The following AQR variants were observed in gnomAD, a reference collection of about 807,000 sequenced individuals.
The protein encoded by AQR is RNA helicase aquarius.
In AQR, 61 loss-of-function variants were observed where a neutral mutation model predicts 180.5. That is an observed-to-expected ratio of 0.34 (90% CI 0.28 to 0.42). The LOEUF is 0.42. Among genes scored for constraint, AQR ranks in the 10% least tolerant of loss-of-function variants. AQR has a pLI of 1.00. For missense variants in AQR, 1,281 were observed against 1,798.3 expected (o/e 0.71, Z 5.20); for synonymous variants, 551 against 588.8 (o/e 0.94, Z 0.93).
In AQR at chr15:34,942,979, A is replaced by C. The variant is rs572995401; in HGVS notation, c.472-899T>G. The C allele has an allele frequency of 1.9e-4, 252 of 1,309,944 alleles. No homozygotes were observed. In the Middle Eastern group the frequency reaches 8.3e-3, roughly 43 times the overall value. The allele number at this position is 1,309,944 out of a possible 1,614,324, so 81.1% of individuals were successfully genotyped here. On this transcript the variant is annotated intron_variant, in intron 6 of 34. Coordinates refer to ENST00000156471, the MANE Select transcript of AQR (RefSeq NM_014691.3). ...TACTAATAAAATCTTGTTTCTGTTT[A>C]GTTTCTGATAAAAAAATCACATCTA...
At chr15:34,887,728 AAAG>A (rs561369687) in intron 24 of AQR, among the ~76,000 whole-genome samples, 91 of 152,352 alleles carry the variant, frequency 6.0e-4, no homozygotes, top group Middle Eastern at 3.4e-3. Context: ...AGACTCAACA[AAAG>A]AAGAAGTCAT....
intron 22 of AQR, among the ~76,000 whole-genome samples, chr15:34,896,368 A>T (rs1293919734): frequency 1.3e-5 from 2 of 152,212 alleles, no homozygotes; most frequent in African/African-American, 2.4e-5. Context: ...CAAAACTTTT[A>T]AAAAATGGGC....
intron 16 of AQR, among the ~76,000 whole-genome samples, chr15:34,910,680 A>G (rs1037527918): frequency 6.6e-6 from 1 of 152,232 alleles, no homozygotes; most frequent in African/African-American, 2.4e-5. Context: ...GTTTTATTTC[A>G]GCTTTATTGA....
In AQR at chr15:34,871,956, T is replaced by A. The variant is rs559557715; in HGVS notation, c.3598-1034A>T. On this transcript the variant is annotated intron_variant, in intron 30 of 34. Transcript: ENST00000156471. ...AAAATAAGAATATAAACACAATATT[T>A]AAAAAAAAAAAAAAAGGAAGCTGGA... is the stretch of plus-strand genomic sequence containing the variant. Among the ~76,000 whole-genome samples, 60 of 136,478 alleles carry A rather than the reference T, an allele frequency of 4.4e-4. 1 individual carries two copies. Among genetic ancestry groups the A allele is most frequent in the Admixed American group, 2.5e-3 (34 of 13,636 alleles). The allele number at this position is 136,478 out of a possible 152,430, so 89.5% of individuals were successfully genotyped here. A position where few individuals can be genotyped will look rare whatever the true frequency, so the allele number is the denominator to read the frequency against.
At chr15:34,943,754 T>G (rs142974105) in intron 6 of AQR, among the ~76,000 whole-genome samples, 2 of 152,216 alleles carry the variant, frequency 1.3e-5, no homozygotes, top group African/African-American at 4.8e-5. Flanking sequence ...AATATTTAAT[T>G]TTTTAGAAGA....
At chr15:34,946,082 C>A (rs148048265) in intron 5 of AQR, among the ~76,000 whole-genome samples, 14,726 of 152,078 alleles carry the variant, frequency 0.097, 785 homozygotes, top group Middle Eastern at 0.16. Flanking sequence ...ACCAGCCTGG[C>A]CAATATGGTG....
At chr15:34,890,143 T>C in intron 24 of AQR, 72 bp downstream of exon 24, 1 of 1,341,654 alleles carries the variant, frequency 7.5e-7, no homozygotes, top group Non-Finnish European at 1.0e-6. Flanking sequence ...TGCTTTCTTC[T>C]TCTTTAATAA....
In AQR at chr15:34,897,650, C is replaced by T; in HGVS notation, c.2299G>A (p.Glu767Lys). 2 of 1,614,082 alleles carry T rather than the reference C, an allele frequency of 1.2e-6. No individual in the cohort carries two copies. The highest frequency in any genetic ancestry group is 2.2e-5 in the South Asian group (2 of 91,074). ...TTTGCTTCCTCGGTGTCTTCATCTT[C>T]CACATCCGCATCTTTCCTTTTCTTC... Reference protein sequence around the residue: ...KGKKRKDADVEDEDTEEAKTL... With the variant: ...KGKKRKDADVKDEDTEEAKTL... Residue 767 changes from glutamate to lysine, a missense_variant, in exon 21 of 35, where the codon GAA (glutamate) becomes AAA (lysine). Coordinates refer to ENST00000156471, the MANE Select transcript of AQR (RefSeq NM_014691.3).
rs111565983 is a variant in AQR, at chr15:34,879,811, A to C, written c.3165+2691T>G. ...GTCTGGAGAGGATCTTGGAACTTGG[A>C]GAAAGCAGGCAGAGTTAAGAGGGTG... is the stretch of plus-strand genomic sequence containing the variant. On this transcript the variant is annotated intron_variant, in intron 27 of 34. Coordinates refer to ENST00000156471, the MANE Select transcript of AQR (RefSeq NM_014691.3). Among the ~76,000 whole-genome samples the C allele has an allele frequency of 1.5e-4, 23 of 152,304 alleles. 1 individual carries two copies. The highest frequency in any genetic ancestry group is 4.2e-4 in the South Asian group (2 of 4,818).
intron 32 of AQR, among the ~76,000 whole-genome samples, chr15:34,864,203 A>G (rs1280781737): frequency 3.3e-5 from 5 of 152,140 alleles, no homozygotes; most frequent in Non-Finnish European, 5.9e-5. Context: ...TGGTCTTAAA[A>G]TCATCTAGTT....
intron 16 of AQR, among the ~76,000 whole-genome samples, chr15:34,912,632 A>G (rs1235910712): frequency 1.3e-5 from 2 of 151,954 alleles, no homozygotes; most frequent in Non-Finnish European, 2.9e-5. Context: ...AGATGTTGCT[A>G]TGGATTGGAA....
chr15:34,895,869 T>C (rs1712769060), intron 22 of AQR, among the ~76,000 whole-genome samples: 1 of 152,202 alleles, frequency 6.6e-6, no homozygotes, highest in Non-Finnish European at 1.5e-5. Context: ...TCAACATTTA[T>C]AGCACAACCT....
chr15:34,919,385 T>A (rs1423187253), intron 14 of AQR, among the ~76,000 whole-genome samples: 1 of 152,228 alleles, frequency 6.6e-6, no homozygotes, highest in African/African-American at 2.4e-5. Context: ...TATGTATGTT[T>A]TAACTTTTTG....
intron 4 of AQR, among the ~76,000 whole-genome samples, chr15:34,948,796 C>CAA (rs761369190): frequency 3.1e-4 from 28 of 91,690 alleles, no homozygotes; most frequent in Admixed American, 4.9e-4. Context: ...GACTCCATCT[C>CAA]AAAAAAAAAA....
intron 3 of AQR, among the ~76,000 whole-genome samples, chr15:34,953,154 G>A (rs1026615890): frequency 6.6e-5 from 10 of 152,080 alleles, no homozygotes; most frequent in African/African-American, 1.4e-4. Flanking sequence ...CTAAAAGCAC[G>A]CAGGACACAT....
intron 2 of AQR, among the ~76,000 whole-genome samples, chr15:34,963,405 A>T (rs1206265365): frequency 6.6e-6 from 1 of 152,244 alleles, no homozygotes; most frequent in East Asian, 1.9e-4. Flanking sequence ...CCCTTATTGA[A>T]TATTACTGGA....
intron 33 of AQR, among the ~76,000 whole-genome samples, chr15:34,860,833 T>C (rs1046894107): frequency 5.9e-5 from 9 of 152,192 alleles, no homozygotes; most frequent in African/African-American, 2.2e-4. Flanking sequence ...GACTGTTAAA[T>C]TGCAGGTACC....
At position 34,969,720 on chromosome 15, in the gene AQR, C is replaced by G. The variant is rs2140513328; in HGVS notation, c.-107G>C. ...ACTGCCGGGGCGCTTAACTCCGCGC[C>G]GCACAAACGCTCCGGGCCGGATATC... On this transcript the variant is annotated 5_prime_UTR_variant, in exon 1 of 35. Coordinates refer to ENST00000156471, the MANE Select transcript of AQR (RefSeq NM_014691.3). 1 of 1,117,812 alleles carries G rather than the reference C, an allele frequency of 8.9e-7. No individual in the cohort carries two copies. Among genetic ancestry groups the G allele is most frequent in the Non-Finnish European group, 1.3e-6 (1 of 796,550 alleles). The allele number at this position is 1,117,812 out of a possible 1,614,324, so 69.2% of individuals were successfully genotyped here. A position where few individuals can be genotyped will look rare whatever the true frequency, so the allele number is the denominator to read the frequency against.
At chr15:34,905,787 A>G (rs1293963254) in intron 18 of AQR, among the ~76,000 whole-genome samples, 3 of 152,204 alleles carry the variant, frequency 2.0e-5, no homozygotes, top group African/African-American at 7.2e-5. Flanking sequence ...TACATATTTT[A>G]AAAAGCTTTG....
Sources: allele counts gnomAD v4.1 joint callset (sites outside exome capture counted in the v4.1 genomes callset), GRCh38; gene constraint gnomAD v4.1.1; transcripts MANE v1.5; gene names NCBI Gene and HGNC (gene_info 2026-07-23, HGNC 2026-07-21).